Variants in VPS50 observed in about 807,000 individuals in gnomAD.
VPS50 encodes the protein syndetin.
In VPS50, 70 loss-of-function variants were observed where a neutral mutation model predicts 139.7. That is an observed-to-expected ratio of 0.50 (90% CI 0.41 to 0.61). VPS50 has a LOEUF of 0.61. VPS50 is among the 20% of genes least tolerant of loss of function. The pLI is 0.00. For synonymous variants in VPS50, 365 were observed against 376.7 expected (o/e 0.97, Z 0.36); for missense variants, 921 against 1,133.7 (o/e 0.81, Z 2.69).
intron 23 of VPS50, among the ~76,000 whole-genome samples, chr7:93,345,954 C>T (rs1798380568): frequency 6.6e-6 from 1 of 152,146 alleles, no homozygotes; most frequent in South Asian, 2.1e-4. Context: ...TCCTATTCAA[C>T]ACAGTGTTGG....
chr7:93,309,367 T>C (rs1033836532), intron 19 of VPS50, among the ~76,000 whole-genome samples: 5 of 152,022 alleles, frequency 3.3e-5, no homozygotes, highest in African/African-American at 4.8e-5. Context: ...GTTCCTTTTT[T>C]ATGGTATCAC....
chr7:93,284,310 C>T (rs781673686), intron 12 of VPS50, among the ~76,000 whole-genome samples: 1 of 151,974 alleles, frequency 6.6e-6, no homozygotes, highest in Non-Finnish European at 1.5e-5. Flanking sequence ...TCTCAGGCAG[C>T]GTGAGGGTTA....
chr7:93,314,239 TTGAG>T (rs771941119), intron 20 of VPS50, among the ~76,000 whole-genome samples: 26 of 152,290 alleles, frequency 1.7e-4, no homozygotes, highest in Non-Finnish European at 2.9e-4. Context: ...GAACTAATTA[TTGAG>T]TATTTGGGAA....
chr7:93,282,895 A>T (rs987656701), intron 12 of VPS50, among the ~76,000 whole-genome samples: 2 of 152,236 alleles, frequency 1.3e-5, no homozygotes, highest in Non-Finnish European at 1.5e-5. Flanking sequence ...TTCTTATCAC[A>T]TATATGGAGT....
chr7:93,335,655 G>T (rs2117049300), intron 22 of VPS50, among the ~76,000 whole-genome samples: 2 of 151,910 alleles, frequency 1.3e-5, no homozygotes, highest in East Asian at 3.9e-4. Flanking sequence ...AGTTTTCTGT[G>T]TTTCGATTTT....
intron 20 of VPS50, chr7:93,323,215 C>A (rs1797669902): frequency 6.6e-6 from 1 of 152,068 alleles, no homozygotes; most frequent in Admixed American, 6.5e-5. Flanking sequence ...TAAACTTACA[C>A]ATTTTCAAAG....
intron 21 of VPS50, among the ~76,000 whole-genome samples, chr7:93,326,010 T>C (rs1342303132): frequency 6.9e-3 from 1,038 of 150,102 alleles, no homozygotes; most frequent in African/African-American, 0.025. Context: ...ATGTTTATTG[T>C]GGCACTATTC....
intron 18 of VPS50, among the ~76,000 whole-genome samples, chr7:93,308,115 AATAG>A (rs1797166288): frequency 1.5e-5 from 2 of 132,410 alleles, no homozygotes; most frequent in South Asian, 4.3e-4. Flanking sequence ...CTATGACATT[AATAG>A]ATGATGATGA....
chr7:93,259,562 C>T lies in VPS50; in HGVS notation c.589C>T (p.Pro197Ser). 2 of 1,577,628 alleles carry T rather than the reference C, an allele frequency of 1.3e-6. No individual in the cohort carries two copies. The highest frequency in any genetic ancestry group is 1.1e-5 in the South Asian group (1 of 90,080). Residue 197 changes from proline (P) to serine (S), a missense_variant, in exon 9 of 28, where the codon CCA becomes TCA. Transcript: ENST00000305866. ...LSEMLEEEDY[P>S]GAIQLCLECQ... is the part of the protein sequence containing the mutation. ...TTGTTACCTTAAGGAGGAAGATTAT[C>T]CAGGAGCTATTCAGTTGTGCCTTGA...
intron 18 of VPS50, among the ~76,000 whole-genome samples, chr7:93,307,481 A>G (rs1166658921): frequency 1.3e-5 from 2 of 151,914 alleles, no homozygotes; most frequent in African/African-American, 4.8e-5. Context: ...AAGGCAGAGC[A>G]TGCCTTGTTT....
At chr7:93,263,925 CAATAT>C (rs1027931772) in intron 9 of VPS50, among the ~76,000 whole-genome samples, 9 of 151,998 alleles carry the variant, frequency 5.9e-5, no homozygotes, top group Non-Finnish European at 1.3e-4. Context: ...AAAAATAATA[CAATAT>C]AACTGTTTAC....
chr7:93,262,385 G>T (rs1795713060), intron 9 of VPS50, among the ~76,000 whole-genome samples: 1 of 152,160 alleles, frequency 6.6e-6, no homozygotes, highest in South Asian at 2.1e-4. Context: ...TAAATTAATG[G>T]ATATACTGAT....
intron 1 of VPS50, among the ~76,000 whole-genome samples, chr7:93,232,795 G>A (rs1339639434): frequency 6.6e-6 from 1 of 152,098 alleles, no homozygotes; most frequent in Non-Finnish European, 1.5e-5. Context: ...AGAACAGCCC[G>A]AGCTTCCTTG....
chr7:93,356,701 G>A (rs1181497704), intron 27 of VPS50, among the ~76,000 whole-genome samples: 3 of 152,112 alleles, frequency 2.0e-5, no homozygotes, highest in Non-Finnish European at 4.4e-5. Context: ...GTTCAACTCA[G>A]TGAGCTTGGT....
At chr7:93,276,007 A>ATACCCAGTATAATT in intron 11 of VPS50, 158 bp from the exon 12 acceptor site, 2 of 640,610 alleles carry the variant, frequency 3.1e-6, no homozygotes, top group Non-Finnish European at 5.2e-6. Flanking sequence ...TGCAAATAAT[A>ATACCCAGTATAATT]TACCCAGTAT....
At chr7:93,257,761 A>T (rs1286455482) in intron 6 of VPS50, 2 of 260,050 alleles carry the variant, frequency 7.7e-6, no homozygotes, top group South Asian at 2.4e-4. Context: ...AATCTGTTAC[A>T]GGCTGTGATT....
chr7:93,286,128 G>A (rs767890512), intron 12 of VPS50, among the ~76,000 whole-genome samples: 4 of 152,066 alleles, frequency 2.6e-5, no homozygotes, highest in Non-Finnish European at 4.4e-5. Context: ...TGGAAGAGTA[G>A]CAGTGGAAAA....
intron 13 of VPS50, among the ~76,000 whole-genome samples, chr7:93,293,411 A>G (rs1037629379): frequency 3.3e-5 from 5 of 152,170 alleles, no homozygotes; most frequent in African/African-American, 9.6e-5. Context: ...TCGTTGGAAT[A>G]CTGAGTCAAA....
In VPS50 at chr7:93,291,707, T is replaced by G. The variant is rs768286481; in HGVS notation, c.947T>G (p.Val316Gly). 15 of 1,518,122 alleles carry G rather than the reference T, an allele frequency of 9.9e-6. No homozygotes were observed. Among genetic ancestry groups the G allele is most frequent in the Non-Finnish European group, 1.3e-5 (15 of 1,129,834 alleles). 94.0% of individuals were successfully genotyped at this position (1,518,122 alleles called of 1,614,324 possible). ...GTCTCTTATCATTTTCTTTAGCATGTTACACCAGACAGCTATATTCCATGC... is the reference window on the plus strand; with the variant it reads ...GTCTCTTATCATTTTCTTTAGCATGGTACACCAGACAGCTATATTCCATGC... ...KLQYKDLCTH[V>G]TPDSYIPCLA... The change falls in exon 13 of 28, where the codon GTT becomes GGT. Residue 316 changes from valine (V) to glycine (G), a missense_variant. Coordinates refer to ENST00000305866, the MANE Select transcript of VPS50 (RefSeq NM_017667.4).
Sources: allele counts gnomAD v4.1 joint callset (sites outside exome capture counted in the v4.1 genomes callset), GRCh38; gene constraint gnomAD v4.1.1; transcripts MANE v1.5; gene names NCBI Gene and HGNC (gene_info 2026-07-23, HGNC 2026-07-21).